The following COPZ2 variants were observed in gnomAD, a reference collection of about 807,000 sequenced individuals.
COPZ2 encodes coatomer subunit zeta-2.
In COPZ2, 30 loss-of-function variants were observed where a neutral mutation model predicts 33.2. The ratio of observed to expected loss-of-function variants is 0.90; its 90% CI spans 0.68 to 1.23. The LOEUF is 1.23. Among genes scored for constraint, COPZ2 ranks in the 50% most tolerant of loss-of-function variants. The probability of loss-of-function intolerance (pLI) is 0.00; values close to 1 mark genes in which losing one functional copy is unlikely to be tolerated. For missense variants in COPZ2, 263 were observed against 262.4 expected, an observed-to-expected ratio of 1.00 and a Z score of -0.02; for synonymous variants, 89 against 102.6, an observed-to-expected ratio of 0.87 and a Z score of 0.80.
chr17:48,037,889 G>C (rs1189417927), upstream of COPZ2: 2 of 972,268 alleles, frequency 2.1e-6, no homozygotes, highest in Non-Finnish European at 2.4e-6. The surrounding 1 kb of genome is among the most constrained non-coding windows in gnomAD (Gnocchi z 5.6). Context: ...TTTCCTCGGG[G>C]CCCCGTCCTC....
chr17:48,026,320 G>A lies in COPZ2; in HGVS notation c.*108C>T. On this transcript the variant is annotated 3_prime_UTR_variant, in exon 9 of 9. Coordinates refer to ENST00000621465, the MANE Select transcript of COPZ2 (RefSeq NM_016429.4). ...CTGGAGACCTTAGGAGTCAGTTCTG[G>A]GAGGGACCTGGGGATACAGAGGGGT... 2.3e-6 allele frequency: 2 copies of A among 870,474 alleles called. No individual in the cohort carries two copies. Among genetic ancestry groups the A allele is most frequent in the Non-Finnish European group, 3.7e-6 (2 of 539,532 alleles). The allele number at this position is 870,474 out of a possible 1,614,324, so 53.9% of individuals were successfully genotyped here. A position where few individuals can be genotyped will look rare whatever the true frequency, so the allele number is the denominator to read the frequency against.
chr17:48,030,289 AACACACACACACACAC>A (rs71935471), intron 6 of COPZ2, among the ~76,000 whole-genome samples: 29 of 128,308 alleles, frequency 2.3e-4, no homozygotes, highest in African/African-American at 7.3e-4. Flanking sequence ...TCCATCTCAA[AACACACACACACACAC>A]ACACACACAC....
intron 8 of COPZ2, among the ~76,000 whole-genome samples, chr17:48,026,909 G>A (rs2036826048): frequency 6.6e-6 from 1 of 152,288 alleles, no homozygotes; most frequent in African/African-American, 2.4e-5. Flanking sequence ...ACCCACTGCT[G>A]ATGTGGCATA....
intron 8 of COPZ2, among the ~76,000 whole-genome samples, chr17:48,027,403 G>A (rs1216038916): frequency 6.6e-6 from 1 of 152,180 alleles, no homozygotes; most frequent in Non-Finnish European, 1.5e-5. Context: ...TCCATGAAGA[G>A]GGTCCTGTTA....
intron 2 of COPZ2, 76 bp from the exon 3 acceptor site, chr17:48,034,020 G>C: frequency 9.5e-7 from 1 of 1,055,294 alleles, no homozygotes. Flanking sequence ...GGGCAGGAAA[G>C]AGTAGGCGCT....
intron 2 of COPZ2, among the ~76,000 whole-genome samples, chr17:48,035,699 C>T (rs1567742946): frequency 6.6e-6 from 1 of 152,086 alleles, no homozygotes; most frequent in East Asian, 1.9e-4. Context: ...ACTGGGATTA[C>T]AGGCATCAGC....
chr17:48,028,512 T>G lies in COPZ2; in HGVS notation c.547-2A>C. On this transcript the variant is annotated splice_acceptor_variant, in intron 7 of 8. Transcript: ENST00000621465. LOFTEE classifies it high-confidence loss of function. The surrounding 1 kb of genome is among the most constrained non-coding windows in gnomAD (Gnocchi z 4.5). ...TTCAGTCAAGCCGCCATCATCTGCC[T>G]GTAAGGAAGCAGAGTCAAGGGGTGG... 1 of 1,607,512 alleles carries G rather than the reference T, an allele frequency of 6.2e-7. No individual in the cohort carries two copies. The highest frequency in any genetic ancestry group is 1.3e-5 in the African/African-American group (1 of 74,880).
Position 48,028,403 on chromosome 17 carries a change from C to T in COPZ2, c.585+69G>A, listed in dbSNP as rs2036845117. ...AACTTCACTGGGTCCCCCTAGGATGCTCTAGGATGCTCTGCTCCCCGTATC... is the reference window on the plus strand; with the variant it reads ...AACTTCACTGGGTCCCCCTAGGATGTTCTAGGATGCTCTGCTCCCCGTATC... On this transcript the variant is annotated intron_variant, in intron 8 of 8. Coordinates refer to ENST00000621465, the MANE Select transcript of COPZ2 (RefSeq NM_016429.4). The surrounding 1 kb of genome is among the most constrained non-coding windows in gnomAD (Gnocchi z 4.5). 4.7e-6 allele frequency: 7 copies of T among 1,487,822 alleles called. No homozygotes were observed. The South Asian group carries it at 6.3e-5, about 13-fold the overall frequency. The allele number at this position is 1,487,822 out of a possible 1,614,324, so 92.2% of individuals were successfully genotyped here.
At chr17:48,039,560 TA>T (rs2037041230), upstream of COPZ2, among the ~76,000 whole-genome samples, 1 of 151,638 alleles carries the variant, frequency 6.6e-6, no homozygotes, top group African/African-American at 2.4e-5. Context: ...AAGGTCTCAC[TA>T]TGTTGCCCAG....
chr17:48,042,146 T>C (rs1447502201), upstream of COPZ2, among the ~76,000 whole-genome samples: 1 of 152,042 alleles, frequency 6.6e-6, no homozygotes, highest in Non-Finnish European at 1.5e-5. Context: ...TTTTTTCTTT[T>C]TTTTGAGAAG....
In COPZ2 at chr17:48,037,602, C is replaced by G; in HGVS notation, c.111+65G>C. The G allele has an allele frequency of 1.9e-6, 2 of 1,058,042 alleles. No homozygotes were observed. Among genetic ancestry groups the G allele is most frequent in the Non-Finnish European group, 2.3e-6 (2 of 874,314 alleles). 65.5% of individuals were successfully genotyped at this position (1,058,042 alleles called of 1,614,324 possible). On this transcript the variant is annotated intron_variant, in intron 1 of 8. Coordinates refer to ENST00000621465, the MANE Select transcript of COPZ2 (RefSeq NM_016429.4). The surrounding 1 kb of genome is among the most constrained non-coding windows in gnomAD (Gnocchi z 5.6). ...GCGAGTTCTGAGTTGGCTGCTCCCCCTAACCCTGCTCTGTCCCTGCCCAGC... is the reference window on the plus strand; with the variant it reads ...GCGAGTTCTGAGTTGGCTGCTCCCCGTAACCCTGCTCTGTCCCTGCCCAGC...
the COPZ2 span, chr17:48,047,253 C>T: frequency 6.6e-6 from 1 of 152,192 alleles, no homozygotes; most frequent in Non-Finnish European, 1.5e-5. Context: ...TGAGTTGACA[C>T]CTCTTTGTCC....
chr17:48,033,271 G>T lies in COPZ2; in HGVS notation c.300C>A (p.Ile100=). The change falls in exon 4 of 9, where the codon ATC becomes ATA. Residue 100 remains isoleucine (I), a synonymous_variant. Transcript: ENST00000621465. ...SEIAFFGGMT[I]VYKNSIDLFL... is the part of the protein sequence containing the mutation. ...AGAGGTCAATGCTGTTCTTGTAGAC[G>T]ATGGTCATACCCCCAAAAAATGCAA... The T allele has an allele frequency of 6.2e-7, 1 of 1,613,100 alleles. No homozygotes were observed. Among genetic ancestry groups the T allele is most frequent in the Non-Finnish European group, 8.5e-7 (1 of 1,179,442 alleles).
intron 4 of COPZ2, 87 bp from the exon 5 acceptor site, chr17:48,032,828 A>G: frequency 9.4e-7 from 1 of 1,060,944 alleles, no homozygotes; most frequent in South Asian, 1.4e-5. Context: ...CTGTGCGGGC[A>G]GCAATGGAGA....
upstream of COPZ2, among the ~76,000 whole-genome samples, chr17:48,039,470 CAA>C (rs554792080): frequency 1.1e-4 from 11 of 103,156 alleles, no homozygotes; most frequent in Non-Finnish European, 1.1e-4. Context: ...GAATCTGTTT[CAA>C]AAAAAAAAAA....
At position 48,026,276 on chromosome 17, in the gene COPZ2, T is replaced by C. The variant is rs998358888; in HGVS notation, c.*152A>G. 7.3e-5 allele frequency: 46 copies of C among 630,184 alleles called. No homozygotes were observed. The highest frequency in any genetic ancestry group is 5.7e-4 in the East Asian group (21 of 36,530). 39.0% of individuals were successfully genotyped at this position (630,184 alleles called of 1,614,324 possible). On this transcript the variant is annotated 3_prime_UTR_variant, in exon 9 of 9. Coordinates refer to ENST00000621465, the MANE Select transcript of COPZ2 (RefSeq NM_016429.4). Reference sequence around the variant, plus strand: ...GGTGACTCTCCTGAGGCCAAACCTTTGCATCTCAGAAGCCCTGGCTGGAGA... The same window carrying C: ...GGTGACTCTCCTGAGGCCAAACCTTCGCATCTCAGAAGCCCTGGCTGGAGA...
upstream of COPZ2, among the ~76,000 whole-genome samples, chr17:48,041,520 G>A (rs2037062187): frequency 6.6e-6 from 1 of 152,184 alleles, no homozygotes; most frequent in Non-Finnish European, 1.5e-5. Flanking sequence ...TAAAGGAAAG[G>A]AGGAAGCAGG....
chr17:48,028,124 C>T lies in COPZ2; in HGVS notation c.585+348G>A, dbSNP rs1460266870. 6.6e-6 allele frequency among the ~76,000 whole-genome samples: 1 copy of T among 152,168 alleles called. No homozygotes were observed. Among genetic ancestry groups the T allele is most frequent in the African/African-American group, 2.4e-5 (1 of 41,428 alleles). On this transcript the variant is annotated intron_variant, in intron 8 of 8. Transcript: ENST00000621465. This position sits in a 1 kb window ranked among gnomAD's most constrained non-coding sequence, Gnocchi z 4.5. ...TTCCAGGTTTCGGTAGAGGGCGCAT[C>T]AGAGGCCTGAGTTCCCAGATTTTTG...
Position 48,032,253 on chromosome 17 carries a change from C to T in COPZ2, c.417-20G>A. On this transcript the variant is annotated intron_variant, in intron 5 of 8. Transcript: ENST00000621465. ...TTCTTCCTGAAGGTGGACACAAGCT[C>T]CTGAGCCTCCCTGTGGCTGGGAGGA... The T allele has an allele frequency of 6.2e-7, 1 of 1,603,686 alleles. No homozygotes were observed.
Sources: gnomAD v4.1 joint callset for allele counts (sites outside exome capture counted in the v4.1 genomes callset) on GRCh38, gnomAD v4.1.1 for gene constraint, Gnocchi (gnomAD v3.1) non-coding constraint, MANE v1.5 for transcripts, NCBI Gene and HGNC (gene_info 2026-07-23, HGNC 2026-07-21) for gene names.